Variants in NDRG4 observed in about 807,000 individuals in gnomAD.
NDRG4 encodes the protein NDRG family member 4.
In NDRG4, 38 loss-of-function variants were observed where a neutral mutation model predicts 55.8. The ratio of observed to expected loss-of-function variants is 0.68; its 90% CI spans 0.53 to 0.89. The LOEUF (loss-of-function observed/expected upper bound fraction) is 0.89, where lower values mean the gene tolerates loss of function less well. NDRG4 is among the 40% of genes least tolerant of loss of function. The pLI is 0.00. For missense variants in NDRG4, 455 were observed against 468.6 expected (o/e 0.97, Z 0.27); for synonymous variants, 190 against 182.7 (o/e 1.04, Z -0.32).
chr16:58,482,665 ATCCCTCCCTTCCTTCC>A (rs71155270), intron 1 of NDRG4, among the ~76,000 whole-genome samples: 5,313 of 71,106 alleles, frequency 0.075, 386 homozygotes, highest in African/African-American at 0.22. Context: ...CTCTCTTTCC[ATCCCTCCCTTCCTTCC>A]TCCCTCCCTT....
rs60858251 is a variant in NDRG4, at chr16:58,513,168, ATGTG to A, written c.*1618_*1621del. ...GTATCTATAAATATCTATACATTAT[ATGTG>A]TGTGTGTGTGTGTGTGTGTGTGTGT... is the stretch of plus-strand genomic sequence containing the variant. On this transcript the variant is annotated 3_prime_UTR_variant, in exon 15 of 15. Transcript: ENST00000570248. 8,156 of 150,238 alleles carry A rather than the reference ATGTG, an allele frequency of 0.054. 269 individuals carry two copies. Among genetic ancestry groups the A allele is most frequent in the South Asian group, 0.099 (466 of 4,712 alleles). The allele number at this position is 150,238 out of a possible 1,614,324, so 9.3% of individuals were successfully genotyped here. A position where few individuals can be genotyped will look rare whatever the true frequency, so the allele number is the denominator to read the frequency against.
At chr16:58,488,116 A>T (rs1160795309) in intron 2 of NDRG4, among the ~76,000 whole-genome samples, 1 of 152,194 alleles carries the variant, frequency 6.6e-6, no homozygotes, top group East Asian at 1.9e-4. Flanking sequence ...AGGCACAGAG[A>T]GGTGAACCCA....
upstream of NDRG4, among the ~76,000 whole-genome samples, chr16:58,497,327 A>AAAG (rs1184936837): frequency 3.9e-5 from 6 of 152,182 alleles, no homozygotes; most frequent in Non-Finnish European, 8.8e-5. Context: ...GTCTCCAAAA[A>AAAG]AAGAAGAAGA....
upstream of NDRG4, chr16:58,499,414 C>T (rs1489457249): frequency 1.3e-5 from 2 of 152,420 alleles, no homozygotes; most frequent in African/African-American, 2.4e-5. Flanking sequence ...CCTGACCATA[C>T]CCCTGGCCCT....
At position 58,506,923 on chromosome 16, in the gene NDRG4, GAAC is replaced by G. The variant is rs747160308; in HGVS notation, c.533_535del (p.Asn178del). The G allele has an allele frequency of 6.2e-7, 1 of 1,614,080 alleles. No individual in the cohort carries two copies. The highest frequency in any genetic ancestry group is 8.5e-7 in the Non-Finnish European group (1 of 1,179,976). ...CTCCCTGGGCCTAGGAGGAGCTGGT[GAAC>G]AACACAGAGTTGGTGCAGAGCTACC... On this transcript the variant is annotated inframe_deletion, in exon 8 of 15. Transcript: ENST00000570248.
Position 58,509,392 on chromosome 16 carries a change from C to T in NDRG4, c.865+40C>T, listed in dbSNP as rs757672403. ...ACCCCACCCCACACCACCTAGAGAC[C>T]GGTGGGCAGGCAGTGCTGGGGTTGG... is the stretch of plus-strand genomic sequence containing the variant. On this transcript the variant is annotated intron_variant, in intron 13 of 14. Coordinates refer to ENST00000570248, the MANE Select transcript of NDRG4 (RefSeq NM_001242835.2). The T allele has an allele frequency of 5.9e-5, 95 of 1,602,102 alleles. 1 individual carries two copies. The South Asian group carries it at 8.0e-4, about 13-fold the overall frequency.
chr16:58,476,645 C>G (rs993919538), intron 1 of NDRG4, among the ~76,000 whole-genome samples: 1 of 152,100 alleles, frequency 6.6e-6, no homozygotes, highest in Non-Finnish European at 1.5e-5. Flanking sequence ...ATGTCAGCAG[C>G]TCAGAAGGAA....
chr16:58,501,135 C>T, intron 1 of NDRG4: 2 of 1,153,544 alleles, frequency 1.7e-6, no homozygotes, highest in Admixed American at 4.2e-5. Context: ...CACCCCCACC[C>T]CCGGGCCCCA....
At chr16:58,488,233 C>T (rs924584922) in intron 2 of NDRG4, among the ~76,000 whole-genome samples, 2 of 152,220 alleles carry the variant, frequency 1.3e-5, no homozygotes, top group African/African-American at 4.8e-5. Flanking sequence ...GCTGCTCCTC[C>T]GTCTGTGCGC....
rs1039270539 is a variant in NDRG4 at position 58,513,367 on chromosome 16, G to A, written c.*1791G>A. 8 of 152,184 alleles carry A rather than the reference G, an allele frequency of 5.3e-5. No individual in the cohort carries two copies. The highest frequency in any genetic ancestry group is 3.8e-4 in the East Asian group (2 of 5,198). 9.4% of individuals were successfully genotyped at this position (152,184 alleles called of 1,614,324 possible). On this transcript the variant is annotated 3_prime_UTR_variant, in exon 15 of 15. Transcript: ENST00000570248. ...AATGTAAAACAAAACTCTAGTCAAC[G>A]TAGAAAGAGTTAACTGTGCTGAAAA...
intron 9 of NDRG4, 33 bp from the exon 10 acceptor site, chr16:58,507,915 C>T: frequency 6.2e-7 from 1 of 1,613,550 alleles, no homozygotes; most frequent in Non-Finnish European, 8.5e-7. Flanking sequence ...CCCCATGACC[C>T]AGCCAGACAG....
At chr16:58,480,867 G>A (rs2034299671) in intron 1 of NDRG4, among the ~76,000 whole-genome samples, 1 of 152,120 alleles carries the variant, frequency 6.6e-6, no homozygotes, top group South Asian at 2.1e-4. Context: ...AATTAGCTGG[G>A]CGTGGTGGCA....
chr16:58,495,722 G>T (rs189847156), upstream of NDRG4, among the ~76,000 whole-genome samples: 671 of 152,384 alleles, frequency 4.4e-3, 2 homozygotes, highest in Non-Finnish European at 6.1e-3. Context: ...GCGAGGATCA[G>T]TGTGAGAATC....
At chr16:58,474,576 C>T (rs1434586819) in intron 1 of NDRG4, among the ~76,000 whole-genome samples, 1 of 152,152 alleles carries the variant, frequency 6.6e-6, no homozygotes, top group Non-Finnish European at 1.5e-5. Context: ...TCCTGCATTG[C>T]TTAGGTCGTC....
At chr16:58,477,222 C>T (rs973342056) in intron 1 of NDRG4, among the ~76,000 whole-genome samples, 1 of 151,558 alleles carries the variant, frequency 6.6e-6, no homozygotes, top group African/African-American at 2.4e-5. Flanking sequence ...ATAGCTCTGC[C>T]TGCTAAGAGG....
intron 8 of NDRG4, 189 bp from the exon 9 acceptor site, chr16:58,507,619 G>A (rs2151832239): frequency 1.7e-6 from 1 of 596,536 alleles, no homozygotes; most frequent in East Asian, 2.8e-5. Flanking sequence ...GGGATAGAGA[G>A]CAAAATTTGA....
Position 58,510,647 on chromosome 16 carries a change from G to C in NDRG4, c.868G>C (p.Ala290Pro). Reference sequence around the variant, plus strand: ...TCCGGCTCTGTCTTCTCTCTTAGTTGCGTACTTGAAGGACCGAAGGCTGAG... The same window carrying C: ...TCCGGCTCTGTCTTCTCTCTTAGTTCCGTACTTGAAGGACCGAAGGCTGAG... ...KYFLQGMGYI[A>P]YLKDRRLSGG... Residue 290 changes from alanine (A) to proline (P), a missense_variant and splice_region_variant, in exon 14 of 15, where the codon GCG becomes CCG. Coordinates refer to ENST00000570248, the MANE Select transcript of NDRG4 (RefSeq NM_001242835.2). 6.5e-7 allele frequency: 1 copy of C among 1,535,440 alleles called. No homozygotes were observed. The highest frequency in any genetic ancestry group is 1.2e-5 in the South Asian group (1 of 84,032).
chr16:58,497,577 G>C (rs1467516289), upstream of NDRG4, among the ~76,000 whole-genome samples: 1 of 152,108 alleles, frequency 6.6e-6, no homozygotes. Context: ...TATTATCCTT[G>C]CAGCTGCCTG....
chr16:58,467,031 G>A (rs145681266), intron 1 of NDRG4, among the ~76,000 whole-genome samples: 2 of 152,264 alleles, frequency 1.3e-5, no homozygotes, highest in Non-Finnish European at 2.9e-5. Flanking sequence ...TGGATAACAA[G>A]CAGGTCACAG....
Sources: allele counts gnomAD v4.1 joint callset (sites outside exome capture counted in the v4.1 genomes callset), GRCh38; gene constraint gnomAD v4.1.1; transcripts MANE v1.5; gene names NCBI Gene and HGNC (gene_info 2026-07-23, HGNC 2026-07-21).